ZNF732: variants seen among roughly 807,000 people sequenced by gnomAD.
The protein encoded by ZNF732 is zinc finger protein 732, also known as zinc finger protein LOC654254.
In ZNF732, 12 loss-of-function variants were observed where a neutral mutation model predicts 11.5. That is an observed-to-expected ratio of 1.05 (90% confidence interval 0.67 to 1.70). The LOEUF is 1.70. Among genes scored for constraint, ZNF732 ranks in the 40% most tolerant of loss-of-function variants. The pLI, the probability that ZNF732 is intolerant of heterozygous loss-of-function variation, is 0.00. For synonymous variants in ZNF732, 231 were observed against 236.5 expected, an observed-to-expected ratio of 0.98 and a Z score of 0.21; for missense variants, 702 against 676.9, an observed-to-expected ratio of 1.04 and a Z score of -0.41.
chr4:292,668 G>C (rs147468226), intron 3 of ZNF732, among the ~76,000 whole-genome samples: 1 of 150,808 alleles, frequency 6.6e-6, no homozygotes, highest in Non-Finnish European at 1.5e-5. Flanking sequence ...CAAAAGGTTA[G>C]ATTTTTTCCC....
intron 3 of ZNF732, among the ~76,000 whole-genome samples, chr4:291,871 T>TA (rs1719848112): frequency 6.6e-6 from 1 of 151,970 alleles, no homozygotes; most frequent in South Asian, 2.1e-4. Context: ...AATACAGATA[T>TA]AAAAAAACCA....
chr4:279,426 A>G (rs1719570532), intron 3 of ZNF732, among the ~76,000 whole-genome samples: 2 of 148,928 alleles, frequency 1.3e-5, no homozygotes, highest in South Asian at 4.3e-4. Context: ...AGCGTGGGTG[A>G]CAGAGCGAGA....
Position 305,344 on chromosome 4 carries a change from T to C in ZNF732, c.-34A>G. ...TTCAGGGGTGTAGCGGAGTCTCAGC[T>C]ACGAATCATCCAATACCCGCAGGTC... is the stretch of plus-strand genomic sequence containing the variant. On this transcript the variant is annotated 5_prime_UTR_variant, in exon 1 of 4. Coordinates refer to ENST00000419098, the MANE Select transcript of ZNF732 (RefSeq NM_001137608.3). The C allele has an allele frequency of 6.2e-7, 1 of 1,607,382 alleles. No homozygotes were observed. Among genetic ancestry groups the C allele is most frequent in the Non-Finnish European group, 8.5e-7 (1 of 1,179,756 alleles).
rs1207478612 is a variant in ZNF732, at chr4:272,168, T to A, written c.689A>T (p.Asn230Ile). 1 of 1,613,540 alleles carries A rather than the reference T, an allele frequency of 6.2e-7. No individual in the cohort carries two copies. ...AAAGTTTGAGGATGTGGTAAAGATGTTGCCACATTCTTCACATGTGAAGGG... is the reference window on the plus strand; with the variant it reads ...AAAGTTTGAGGATGTGGTAAAGATGATGCCACATTCTTCACATGTGAAGGG... ...EKPFTCEECGNIFTTSSNFAK... is the reference protein window; with the variant it reads ...EKPFTCEECGIIFTTSSNFAK... Residue 230 changes from asparagine (N) to isoleucine (I), a missense_variant, in exon 4 of 4, where the codon AAC (asparagine) becomes ATC (isoleucine). Physicochemically the swap from Asn to Ile is moderately radical, Grantham distance 149. Transcript: ENST00000419098.
Position 300,454 on chromosome 4 carries a change from CAAAAAAAAAAAA to C in ZNF732, c.4-4311_4-4300del, listed in dbSNP as rs559629684. Among the ~76,000 whole-genome samples, 164 of 58,646 alleles carry C rather than the reference CAAAAAAAAAAAA, an allele frequency of 2.8e-3. 2 individuals are homozygous for C. Among genetic ancestry groups the C allele is most frequent in the African/African-American group, 8.9e-3 (157 of 17,642 alleles). The allele number at this position is 58,646 out of a possible 152,430, so 38.5% of individuals were successfully genotyped here. On this transcript the variant is annotated intron_variant, in intron 1 of 3. Transcript: ENST00000419098. ...TGGGAGACAGAATGAGACTCTGTCT[CAAAAAAAAAAAA>C]AAAAAAAAGAAAAGAAAAGAAAAAA...
intron 3 of ZNF732, among the ~76,000 whole-genome samples, chr4:286,694 C>CT (rs1376892568): frequency 3.3e-5 from 5 of 151,960 alleles, no homozygotes; most frequent in African/African-American, 4.8e-5. Context: ...CAAAACAACT[C>CT]TTTTTTTAAC....
rs74635655 is a variant in ZNF732 at position 304,104 on chromosome 4, G to A, written c.3+1204C>T. On this transcript the variant is annotated intron_variant, in intron 1 of 3. Coordinates refer to ENST00000419098, the MANE Select transcript of ZNF732 (RefSeq NM_001137608.3). ...GAGCCAGGAGTCTTCCTGGCACTGT[G>A]TGTGTTATTGGCAGAATACCCTAGG... Among the ~76,000 whole-genome samples, 1,106 of 152,210 alleles carry A rather than the reference G, an allele frequency of 7.3e-3. 23 individuals are homozygous for A. Among genetic ancestry groups the A allele is most frequent in the African/African-American group, 0.025 (1,039 of 41,522 alleles).
At chr4:298,219 A>G (rs1720000950) in intron 1 of ZNF732, among the ~76,000 whole-genome samples, 1 of 152,176 alleles carries the variant, frequency 6.6e-6, no homozygotes, top group South Asian at 2.1e-4. Flanking sequence ...AACCCAAATG[A>G]AGCTTAAGTG....
chr4:299,396 C>A (rs1393829190), intron 1 of ZNF732, among the ~76,000 whole-genome samples: 1 of 65,874 alleles, frequency 1.5e-5, no homozygotes, highest in Non-Finnish European at 3.4e-5. Context: ...CATATGTACA[C>A]ATATGTGTAT....
intron 3 of ZNF732, among the ~76,000 whole-genome samples, chr4:286,336 C>T (rs1234835751): frequency 2.6e-5 from 4 of 152,116 alleles, no homozygotes; most frequent in Admixed American, 2.6e-4. Flanking sequence ...TGTAAATAAT[C>T]CCTTGCATGT....
At chr4:300,476 AAAAG>A (rs1720093831) in intron 1 of ZNF732, among the ~76,000 whole-genome samples, 1 of 148,874 alleles carries the variant, frequency 6.7e-6, no homozygotes, top group Non-Finnish European at 1.5e-5. Context: ...AAAAAAAAAG[AAAAG>A]AAAAGAAAAA....
intron 1 of ZNF732, among the ~76,000 whole-genome samples, chr4:301,478 A>T (rs1720116724): frequency 6.6e-6 from 1 of 152,252 alleles, no homozygotes; most frequent in African/African-American, 2.4e-5. Flanking sequence ...AAAATGTCCA[A>T]CAATGATAGA....
Position 294,201 on chromosome 4 carries a change from C to T in ZNF732, c.226+1237G>A, listed in dbSNP as rs559562545. ...ATTTTTAGTACAGATGGGATTTTGC[C>T]GTGTTGGCCAGGCTGGTCTCGAATT... On this transcript the variant is annotated intron_variant, in intron 3 of 3. Coordinates refer to ENST00000419098, the MANE Select transcript of ZNF732 (RefSeq NM_001137608.3). 2.9e-4 allele frequency among the ~76,000 whole-genome samples: 44 copies of T among 152,154 alleles called. 1 individual carries two copies. The highest frequency in any genetic ancestry group is 4.9e-4 in the Non-Finnish European group (33 of 68,026).
chr4:278,833 A>G (rs1359432311), intron 3 of ZNF732, among the ~76,000 whole-genome samples: 1 of 152,116 alleles, frequency 6.6e-6, no homozygotes, highest in Non-Finnish European at 1.5e-5. Context: ...AATCCTCCAC[A>G]GGCTGGTGAG....
chr4:294,899 G>T (rs1369712306), intron 3 of ZNF732, among the ~76,000 whole-genome samples: 2 of 151,946 alleles, frequency 1.3e-5, no homozygotes, highest in African/African-American at 4.8e-5. Context: ...TTCATATTTA[G>T]GAAAATGCCT....
At position 279,463 on chromosome 4, in the gene ZNF732, A is replaced by C. The variant is rs181063916; in HGVS notation, c.227-6833T>G. Among the ~76,000 whole-genome samples, 17 of 151,966 alleles carry C rather than the reference A, an allele frequency of 1.1e-4. No individual in the cohort carries two copies. The East Asian group carries it at 3.3e-3, about 29-fold the overall frequency. On this transcript the variant is annotated intron_variant, in intron 3 of 3. Transcript: ENST00000419098. ...TCCGTCTCAAAAAAAAAAAACAACA[A>C]CCAGACATTATATTATATAATTACA... is the stretch of plus-strand genomic sequence containing the variant.
rs1258086429 is a variant in ZNF732, at chr4:272,405, C to G, written c.452G>C (p.Ser151Thr). ...FQCNVHVKVF[S>T]TFSNSNQRRI... ...ACGTTGGTTTGAATTTGAAAATGTA[C>G]TAAATACTTTGACATGTACATTACA... The change falls in exon 4 of 4, where the codon AGT (serine) becomes ACT (threonine). Residue 151 changes from serine (S) to threonine (T), a missense_variant. Ser to Thr is a moderately conservative substitution (Grantham distance 58). Coordinates refer to ENST00000419098, the MANE Select transcript of ZNF732 (RefSeq NM_001137608.3). The G allele has an allele frequency of 2.5e-6, 4 of 1,596,288 alleles. No homozygotes were observed. In the African/African-American group the frequency reaches 5.4e-5, roughly 21 times the overall value.
intron 3 of ZNF732, among the ~76,000 whole-genome samples, chr4:284,870 CAAAAAAAA>C (rs1163209652): frequency 1.8e-5 from 1 of 54,820 alleles, no homozygotes; most frequent in African/African-American, 5.5e-5. Flanking sequence ...GACTCTGTCT[CAAAAAAAA>C]AAAAAAAAAA....
chr4:285,759 A>G (rs1719718175), intron 3 of ZNF732, among the ~76,000 whole-genome samples: 1 of 152,170 alleles, frequency 6.6e-6, no homozygotes, highest in South Asian at 2.1e-4. Context: ...TGTGTTTTTG[A>G]GACAATGTCT....
Sources: allele counts gnomAD v4.1 joint callset (sites outside exome capture counted in the v4.1 genomes callset), GRCh38; gene constraint gnomAD v4.1.1; transcripts MANE v1.5; gene names NCBI Gene and HGNC (gene_info 2026-07-23, HGNC 2026-07-21).